ANKS6: variants seen among roughly 807,000 people sequenced by gnomAD.
ANKS6 encodes the protein ankyrin repeat and SAM domain-containing protein 6.
A neutral mutation model predicts 77.9 loss-of-function variants in ANKS6; 47 were observed. That is an observed-to-expected ratio of 0.60 (90% confidence interval 0.48 to 0.77). The LOEUF is 0.77. ANKS6 is among the 30% of genes least tolerant of loss of function. ANKS6 has a pLI of 0.00. For synonymous variants in ANKS6, 488 were observed against 501.7 expected (o/e 0.97, Z 0.37); for missense variants, 1,150 against 1,159.1 (o/e 0.99, Z 0.11).
chr9:98,782,613 G>T, intron 4 of ANKS6, 40 bp from the exon 5 acceptor site: 1 of 1,550,808 alleles, frequency 6.4e-7, no homozygotes, highest in Non-Finnish European at 8.9e-7. Context: ...TGAAAGCAAA[G>T]GCATGGCTTT....
intron 12 of ANKS6, among the ~76,000 whole-genome samples, chr9:98,751,432 C>T (rs1327635319): frequency 6.6e-6 from 1 of 152,230 alleles, no homozygotes; most frequent in Non-Finnish European, 1.5e-5. Flanking sequence ...AAAACTCTGC[C>T]TTCTGTGTGA....
chr9:98,796,486 G>A lies in ANKS6; in HGVS notation c.6C>T (p.Gly2=). Residue 2 remains glycine (G), a synonymous_variant, in exon 1 of 15, where the codon GGC becomes GGT. Transcript: ENST00000353234. ...GGAAGGCCGGGGGCAGCCCGCCCTC[G>A]CCCATCGCCGCCGCCACGCGCGGCC... M[G]EGGLPPAFQL... 1 of 989,336 alleles carries A rather than the reference G, an allele frequency of 1.0e-6. No individual in the cohort carries two copies. The highest frequency in any genetic ancestry group is 1.2e-6 in the Non-Finnish European group (1 of 834,216). The allele number at this position is 989,336 out of a possible 1,614,324, so 61.3% of individuals were successfully genotyped here.
At chr9:98,789,871 G>A (rs1343401810) in intron 2 of ANKS6, 4 of 515,090 alleles carry the variant, frequency 7.8e-6, no homozygotes, top group East Asian at 3.2e-5. Flanking sequence ...TTGTTATAGA[G>A]GCTTCCAGGC....
At chr9:98,784,260 C>G (rs1476331411) in intron 3 of ANKS6, 103 bp from the exon 4 acceptor site, 5 of 1,065,950 alleles carry the variant, frequency 4.7e-6, no homozygotes, top group Middle Eastern at 2.4e-4. Flanking sequence ...TGCTCTGCCT[C>G]TGCAGTGGGC....
In ANKS6 at chr9:98,771,012, G is replaced by C. The variant is rs1203750234; in HGVS notation, c.1856C>G (p.Pro619Arg). Reference protein sequence around the residue: ...PVRPVKFPSLPRSPASSANSG... With the variant: ...PVRPVKFPSLRRSPASSANSG... ...ATTGGCAGAAGAGGCTGGGCTTCTG[G>C]GGAGGCTTGGAAATTTAACAGGCCT... The change falls in exon 10 of 15, where the codon CCC (proline) becomes CGC (arginine). Residue 619 changes from proline to arginine, a missense_variant. Pro to Arg is a moderately radical substitution (Grantham distance 103). Transcript: ENST00000353234. The C allele has an allele frequency of 1.9e-6, 3 of 1,592,278 alleles. No homozygotes were observed. The African/African-American group carries it at 4.1e-5, about 21-fold the overall frequency.
rs547793002 is a variant in ANKS6 at position 98,790,489 on chromosome 9, C to G, written c.477G>C (p.Val159=). ...TVASRGGHLG[V]VKLLLEAGAF... ...CACCGGCTTCCAGGAGCAGCTTCAC[C>G]ACACCCAGGTGGCCGCCCCGAGAAG... Residue 159 remains valine (V), a synonymous_variant, in exon 2 of 15, where the codon GTG becomes GTC. Transcript: ENST00000353234. The G allele has an allele frequency of 6.2e-7, 1 of 1,613,522 alleles. No individual in the cohort carries two copies. The highest frequency in any genetic ancestry group is 2.2e-5 in the East Asian group (1 of 44,866).
rs1831299898 is a variant in ANKS6, at chr9:98,733,233, A to T, written c.*3286T>A. Reference sequence around the variant, plus strand: ...ATTAAAAAATAAACAATCTCCTCACAAAACCAGCTGGCCTCCATGTAATTT... The same window carrying T: ...ATTAAAAAATAAACAATCTCCTCACTAAACCAGCTGGCCTCCATGTAATTT... On this transcript the variant is annotated 3_prime_UTR_variant, in exon 15 of 15. Coordinates refer to ENST00000353234, the MANE Select transcript of ANKS6 (RefSeq NM_173551.5). The T allele has an allele frequency of 1.0e-6, 1 of 985,522 alleles. No homozygotes were observed. Among genetic ancestry groups the T allele is most frequent in the Non-Finnish European group, 1.2e-6 (1 of 830,006 alleles). 61.0% of individuals were successfully genotyped at this position (985,522 alleles called of 1,614,324 possible).
chr9:98,779,749 C>T (rs1348629675), intron 6 of ANKS6, among the ~76,000 whole-genome samples: 1 of 152,014 alleles, frequency 6.6e-6, no homozygotes, highest in Non-Finnish European at 1.5e-5. Flanking sequence ...CTGCAAGCTC[C>T]GCCTCCCGGG....
rs767208256 is a variant in ANKS6, at chr9:98,784,428, CAGA to C, written c.908-274_908-272del. ...GTCTTCAGAGAACGGATGAAGGAGA[CAGA>C]AGAAGACAGAAGGAGAGTTCAGGTC... On this transcript the variant is annotated intron_variant, in intron 3 of 14. Coordinates refer to ENST00000353234, the MANE Select transcript of ANKS6 (RefSeq NM_173551.5). The C allele has an allele frequency of 3.2e-4, 121 of 372,580 alleles. 1 individual carries two copies. The highest frequency in any genetic ancestry group is 5.0e-4 in the Non-Finnish European group (107 of 213,948). 23.1% of individuals were successfully genotyped at this position (372,580 alleles called of 1,614,324 possible).
chr9:98,785,009 T>A, intron 2 of ANKS6, 133 bp from the exon 3 acceptor site: 1 of 732,844 alleles, frequency 1.4e-6, no homozygotes, highest in Non-Finnish European at 2.3e-6. Context: ...GAGACCTACG[T>A]AATGGACAAA....
At chr9:98,746,576 A>G (rs920861668) in intron 13 of ANKS6, among the ~76,000 whole-genome samples, 4 of 146,728 alleles carry the variant, frequency 2.7e-5, no homozygotes, top group Admixed American at 1.3e-4. Context: ...ACTGAGGCAC[A>G]GAGAGCTTTT....
intron 13 of ANKS6, among the ~76,000 whole-genome samples, chr9:98,749,621 G>A (rs1225709823): frequency 6.6e-6 from 1 of 152,204 alleles, no homozygotes; most frequent in Non-Finnish European, 1.5e-5. Flanking sequence ...ACTTTGAGAT[G>A]TGTTCTCTGT....
chr9:98,758,611 A>AT (rs1388129060), intron 11 of ANKS6, among the ~76,000 whole-genome samples: 1 of 152,174 alleles, frequency 6.6e-6, no homozygotes, highest in Non-Finnish European at 1.5e-5. Flanking sequence ...ATCTACTTTT[A>AT]TATCTACTAA....
At position 98,784,296 on chromosome 9, in the gene ANKS6, G is replaced by C. The variant is rs12056975; in HGVS notation, c.908-139C>G. On this transcript the variant is annotated intron_variant, in intron 3 of 14. Transcript: ENST00000353234. Reference sequence around the variant, plus strand: ...TGCTGGGCATCATAGGGGATACTAAGAGGGCGTCAGAGATAGCCCCGACTC... The same window carrying C: ...TGCTGGGCATCATAGGGGATACTAACAGGGCGTCAGAGATAGCCCCGACTC... 232,613 of 707,016 alleles carry C rather than the reference G, an allele frequency of 0.33. 39,764 individuals carry two copies. Among genetic ancestry groups the C allele is most frequent in the East Asian group, 0.42 (13,458 of 32,086 alleles). The allele number at this position is 707,016 out of a possible 1,614,324, so 43.8% of individuals were successfully genotyped here.
rs1224385870 is a variant in ANKS6 at position 98,734,135 on chromosome 9, C to T, written c.*2384G>A. On this transcript the variant is annotated 3_prime_UTR_variant, in exon 15 of 15. Transcript: ENST00000353234. ...TGCCTACCAGCCGCATCCAAACATC[C>T]CCAGAAAGGGTGCCAGGGACCTCTT... The T allele has an allele frequency of 9.1e-6, 9 of 985,422 alleles. No homozygotes were observed. Among genetic ancestry groups the T allele is most frequent in the African/African-American group, 3.5e-5 (2 of 57,230 alleles). 61.0% of individuals were successfully genotyped at this position (985,422 alleles called of 1,614,324 possible).
intron 11 of ANKS6, 90 bp from the exon 12 acceptor site, chr9:98,756,693 G>T: frequency 9.0e-7 from 1 of 1,111,008 alleles, no homozygotes; most frequent in Non-Finnish European, 1.2e-6. Flanking sequence ...AACATGGGTG[G>T]TATTTGATTC....
rs1831232722 is a variant in ANKS6, at chr9:98,732,066, G to C, written c.*4453C>G. On this transcript the variant is annotated 3_prime_UTR_variant, in exon 15 of 15. Coordinates refer to ENST00000353234, the MANE Select transcript of ANKS6 (RefSeq NM_173551.5). ...AAAACATCAGGTCTCTTTACACGTTGAACAGGAACTGCTGGTTAACAAGAC... is the reference window on the plus strand; with the variant it reads ...AAAACATCAGGTCTCTTTACACGTTCAACAGGAACTGCTGGTTAACAAGAC... 5.2e-6 allele frequency: 1 copy of C among 191,100 alleles called. No homozygotes were observed. The highest frequency in any genetic ancestry group is 1.1e-5 in the Non-Finnish European group (1 of 91,250). The allele number at this position is 191,100 out of a possible 1,614,324, so 11.8% of individuals were successfully genotyped here. A position where few individuals can be genotyped will look rare whatever the true frequency, so the allele number is the denominator to read the frequency against.
At position 98,745,680 on chromosome 9, in the gene ANKS6, G is replaced by T. The variant is rs1564177915; in HGVS notation, c.2395-5C>A. ...GAGGAACGCTTCCATGTCCACCTGG[G>T]GAGAGAGAGGGGATTTGCCACCATC... On this transcript the variant is annotated splice_polypyrimidine_tract_variant and splice_region_variant and intron_variant, in intron 13 of 14. Coordinates refer to ENST00000353234, the MANE Select transcript of ANKS6 (RefSeq NM_173551.5). The T allele has an allele frequency of 6.2e-7, 1 of 1,609,440 alleles. No homozygotes were observed. The highest frequency in any genetic ancestry group is 1.1e-5 in the South Asian group (1 of 90,964).
chr9:98,776,321 G>A (rs1477181222), intron 8 of ANKS6, among the ~76,000 whole-genome samples: 1 of 151,914 alleles, frequency 6.6e-6, no homozygotes, highest in Admixed American at 6.6e-5. Flanking sequence ...TCATTTAGAT[G>A]GGCACAGGAC....
Sources: gnomAD v4.1 joint callset for allele counts (sites outside exome capture counted in the v4.1 genomes callset) on GRCh38, gnomAD v4.1.1 for gene constraint, MANE v1.5 for transcripts, NCBI Gene and HGNC (gene_info 2026-07-23, HGNC 2026-07-21) for gene names.